AFG3L2: variants seen among roughly 807,000 people sequenced by gnomAD.
AFG3L2 encodes the protein mitochondrial inner membrane m-AAA protease component AFG3L2.
A neutral mutation model predicts 94.5 loss-of-function variants in AFG3L2; 54 were observed. The ratio of observed to expected loss-of-function variants is 0.57; its 90% CI spans 0.46 to 0.72. AFG3L2 has a LOEUF of 0.72. AFG3L2 is among the 30% of genes least tolerant of loss of function. The pLI is 0.00. For synonymous variants in AFG3L2, 377 were observed against 365.5 expected (o/e 1.03, Z -0.36); for missense variants, 754 against 994.9 (o/e 0.76, Z 3.26).
chr18:12,354,135 C>A lies in AFG3L2; in HGVS notation c.1165-977G>T, dbSNP rs563284461. On this transcript the variant is annotated intron_variant, in intron 9 of 16. Transcript: ENST00000269143. ...AACTCTCCACCTGCCCACTCCCACC[C>A]CCCCCCCCCCACTTCACTGGACAGA... is the stretch of plus-strand genomic sequence containing the variant. 5.6e-4 allele frequency among the ~76,000 whole-genome samples: 71 copies of A among 126,416 alleles called. 5 individuals carry two copies. Among genetic ancestry groups the A allele is most frequent in the African/African-American group, 6.2e-4 (18 of 28,894 alleles). 82.9% of individuals were successfully genotyped at this position (126,416 alleles called of 152,430 possible).
intron 14 of AFG3L2, chr18:12,343,077 G>GT (rs1232530513): frequency 6.6e-6 from 1 of 151,756 alleles, no homozygotes; most frequent in Non-Finnish European, 1.5e-5. Flanking sequence ...GAGAACTGAT[G>GT]TAACACTCCA....
chr18:12,332,976 T>TATATAAATATATTATATAAATTATATATA (rs1907598824), intron 16 of AFG3L2, among the ~76,000 whole-genome samples: 14 of 29,834 alleles, frequency 4.7e-4, no homozygotes, highest in African/African-American at 9.5e-4. Flanking sequence ...TATTATATAT[T>TATATAAATATATTATATAAATTATATATA]ATATAAATAT....
At chr18:12,344,537 CGTG>C (rs1422301111) in intron 13 of AFG3L2, among the ~76,000 whole-genome samples, 64 of 151,856 alleles carry the variant, frequency 4.2e-4, no homozygotes, top group Admixed American at 4.2e-3. Context: ...AGCCAGGCGT[CGTG>C]GTGAGCGCCT....
At position 12,337,341 on chromosome 18, in the gene AFG3L2, C is replaced by A. The variant is rs1444231167; in HGVS notation, c.2175G>T (p.Lys725Asn). Residue 725 changes from lysine to asparagine, a missense_variant and splice_region_variant, in exon 16 of 17, where the codon AAG (lysine) becomes AAT (asparagine). Physicochemically the swap from Lys to Asn is moderately conservative, Grantham distance 94. This residue lies in a region of AFG3L2 where 279 missense variants were observed against 378.6 expected (regional missense o/e 0.74). Transcript: ENST00000269143. ...AATTATTCCCACAACTGGCACCTAC[C>A]TTCTCCACGTCAGCTTTCTTTTCTG... ...LLTEKKADVEKVALLLLEKEV... is the reference protein window; with the variant it reads ...LLTEKKADVENVALLLLEKEV... 1.2e-6 allele frequency: 2 copies of A among 1,613,768 alleles called. No homozygotes were observed. The highest frequency in any genetic ancestry group is 2.7e-5 in the African/African-American group (2 of 74,908).
Position 12,358,934 on chromosome 18 carries a change from C to A in AFG3L2, c.762G>T (p.Leu254=), listed in dbSNP as rs2143192678. The A allele has an allele frequency of 6.2e-7, 1 of 1,612,822 alleles. No individual in the cohort carries two copies. The highest frequency in any genetic ancestry group is 8.5e-7 in the Non-Finnish European group (1 of 1,179,368). ...VYIAESDGSF[L]LSMLPTVLII... is the part of the protein sequence containing the mutation. Reference sequence around the variant, plus strand: ...TGAGCACCGTAGGCAGCATGCTCAGCAGAAAAGAGCTGGGGACACACAGCG... The same window carrying A: ...TGAGCACCGTAGGCAGCATGCTCAGAAGAAAAGAGCTGGGGACACACAGCG... The change falls in exon 8 of 17, where the codon CTG becomes CTT. Residue 254 remains leucine (L), a synonymous_variant. Coordinates refer to ENST00000269143, the MANE Select transcript of AFG3L2 (RefSeq NM_006796.3).
chr18:12,358,915 C>A lies in AFG3L2; in HGVS notation c.781G>T (p.Val261Leu). 6.2e-7 allele frequency: 1 copy of A among 1,614,042 alleles called. No individual in the cohort carries two copies. Among genetic ancestry groups the A allele is most frequent in the Non-Finnish European group, 8.5e-7 (1 of 1,179,946 alleles). The part of the protein sequence containing the change: ...GSFLLSMLPT[V>L]LIIAFLLYTI... ...TAGAGCAAGAAGGCGATGATGAGCA[C>A]CGTAGGCAGCATGCTCAGCAGAAAA... Residue 261 changes from valine to leucine, a missense_variant, in exon 8 of 17, where the codon GTG (valine) becomes TTG (leucine). Physicochemically the swap from Val to Leu is conservative, Grantham distance 32 (BLOSUM62 1). This residue lies in a region of AFG3L2 where 130 missense variants were observed against 175.1 expected (regional missense o/e 0.74). Transcript: ENST00000269143.
At chr18:12,330,400 TAAAA>T (rs1219733946) in intron 16 of AFG3L2, among the ~76,000 whole-genome samples, 2 of 152,022 alleles carry the variant, frequency 1.3e-5, no homozygotes, top group African/African-American at 4.8e-5. Flanking sequence ...ACACTTCAAT[TAAAA>T]AAACAAGATG....
At position 12,366,981 on chromosome 18, in the gene AFG3L2, T is replaced by G. The variant is rs368594369; in HGVS notation, c.536A>C (p.Tyr179Ser). ...AATACTTACTACTCCTTTTGAAAGATAGTTATTGACAAAGTCCTTCCAAGT... is the reference window on the plus strand; with the variant it reads ...AATACTTACTACTCCTTTTGAAAGAGAGTTATTGACAAAGTCCTTCCAAGT... ...EITWKDFVNN[Y>S]LSKGVVDRLE... The change falls in exon 5 of 17, where the codon TAT becomes TCT. Residue 179 changes from tyrosine (Y) to serine (S), a missense_variant. By Grantham distance (144) the Tyr-to-Ser change is moderately radical. Around this residue, in one of 4 missense-constraint regions of AFG3L2, gnomAD observed 130 missense variants for 175.1 expected, o/e 0.74. Coordinates refer to ENST00000269143, the MANE Select transcript of AFG3L2 (RefSeq NM_006796.3). 1 of 1,614,230 alleles carries G rather than the reference T, an allele frequency of 6.2e-7. No homozygotes were observed. The highest frequency in any genetic ancestry group is 8.5e-7 in the Non-Finnish European group (1 of 1,180,038).
chr18:12,356,629 G>T lies in AFG3L2; in HGVS notation c.1164+65C>A, dbSNP rs1457701949. The T allele has an allele frequency of 3.1e-6, 5 of 1,608,414 alleles. No individual in the cohort carries two copies. The African/African-American group carries it at 6.7e-5, about 22-fold the overall frequency. Reference sequence around the variant, plus strand: ...GGGGGAAGGGCCATCTCTAGCAAGTGCCTCCATCTGTGGTGAAGTGGTGGG... The same window carrying T: ...GGGGGAAGGGCCATCTCTAGCAAGTTCCTCCATCTGTGGTGAAGTGGTGGG... On this transcript the variant is annotated intron_variant, in intron 9 of 16. Transcript: ENST00000269143.
rs965964690 is a variant in AFG3L2 at position 12,358,961 on chromosome 18, A to G, written c.753-18T>C. 2.5e-6 allele frequency: 4 copies of G among 1,603,180 alleles called. No homozygotes were observed. Among genetic ancestry groups the G allele is most frequent in the African/African-American group, 2.7e-5 (2 of 74,780 alleles). On this transcript the variant is annotated intron_variant, in intron 7 of 16. Coordinates refer to ENST00000269143, the MANE Select transcript of AFG3L2 (RefSeq NM_006796.3). Reference sequence around the variant, plus strand: ...GAAAAGAGCTGGGGACACACAGCGCAACACGGGTTAGGACTGGCTGCTCAC... The same window carrying G: ...GAAAAGAGCTGGGGACACACAGCGCGACACGGGTTAGGACTGGCTGCTCAC...
At chr18:12,371,462 T>C in intron 2 of AFG3L2, 130 bp downstream of exon 2, 1 of 750,700 alleles carries the variant, frequency 1.3e-6, no homozygotes, top group Non-Finnish European at 2.3e-6. Context: ...ACAAATGTGT[T>C]ACATTTGAAG....
intron 15 of AFG3L2, among the ~76,000 whole-genome samples, chr18:12,337,930 C>T (rs1056148786): frequency 3.3e-5 from 5 of 152,188 alleles, no homozygotes; most frequent in African/African-American, 9.6e-5. Context: ...CCACCACTCC[C>T]GGCTAATTTT....
chr18:12,330,104 G>T (rs2143076063), intron 16 of AFG3L2, among the ~76,000 whole-genome samples: 1 of 152,346 alleles, frequency 6.6e-6, no homozygotes, highest in Non-Finnish European at 1.5e-5. Context: ...GGAGGCCGAG[G>T]CGGGTGGATC....
intron 6 of AFG3L2, among the ~76,000 whole-genome samples, chr18:12,363,456 T>C (rs1340565858): frequency 6.6e-6 from 1 of 152,234 alleles, no homozygotes; most frequent in Admixed American, 6.5e-5. Flanking sequence ...TAATTTTTTT[T>C]CCTAATCAAA....
At chr18:12,332,632 A>T (rs1292084517) in intron 16 of AFG3L2, among the ~76,000 whole-genome samples, 1 of 151,386 alleles carries the variant, frequency 6.6e-6, no homozygotes, top group Non-Finnish European at 1.5e-5. Context: ...TCTCTAGATT[A>T]TTTTTAAGAA....
At chr18:12,347,594 A>G (rs1487542511) in intron 13 of AFG3L2, among the ~76,000 whole-genome samples, 1 of 150,410 alleles carries the variant, frequency 6.6e-6, no homozygotes, top group Admixed American at 6.7e-5. Context: ...TCTGCTGCCC[A>G]GGCTGGAATG....
chr18:12,359,545 C>A (rs1908593973), intron 7 of AFG3L2, among the ~76,000 whole-genome samples: 1 of 152,102 alleles, frequency 6.6e-6, no homozygotes, highest in African/African-American at 2.4e-5. Flanking sequence ...TCAAGACCAG[C>A]CTGGCCAACA....
chr18:12,367,553 C>T (rs1037390406), intron 3 of AFG3L2, among the ~76,000 whole-genome samples, 171 bp from the exon 4 acceptor site: 1 of 152,208 alleles, frequency 6.6e-6, no homozygotes, highest in Non-Finnish European at 1.5e-5. Flanking sequence ...GCTTACCAAT[C>T]AGGGAGGCTC....
intron 13 of AFG3L2, among the ~76,000 whole-genome samples, chr18:12,346,200 C>T (rs1250213557): frequency 2.0e-5 from 3 of 152,290 alleles, no homozygotes; most frequent in Admixed American, 6.5e-5. Context: ...ACCATGAGCA[C>T]GGGTGACCTT....
Sources: allele counts gnomAD v4.1 joint callset (sites outside exome capture counted in the v4.1 genomes callset), GRCh38; gene constraint gnomAD v4.1.1; regional missense constraint gnomAD v4.1.1; transcripts MANE v1.5; gene names NCBI Gene and HGNC (gene_info 2026-07-23, HGNC 2026-07-21).